The following CDC42BPA variants were observed in gnomAD, a reference collection of about 807,000 sequenced individuals.
CDC42BPA encodes CDC42 binding protein kinase alpha, also known as serine/threonine-protein kinase MRCK alpha.
Under a neutral mutation model 223.5 loss-of-function variants are expected in CDC42BPA, and 80 were observed. The ratio of observed to expected loss-of-function variants is 0.36; its 90% CI spans 0.30 to 0.43. The LOEUF (loss-of-function observed/expected upper bound fraction) is 0.43. Among genes scored for constraint, CDC42BPA ranks in the 20% least tolerant of loss-of-function variants. The pLI, the probability that CDC42BPA is intolerant of heterozygous loss-of-function variation, is 1.00. For synonymous variants in CDC42BPA, 694 were observed against 718.6 expected, an observed-to-expected ratio of 0.97 and a Z score of 0.55; for missense variants, 1,743 against 2,099.9, an observed-to-expected ratio of 0.83 and a Z score of 3.32.
At chr1:227,210,227 G>C (rs1673629803) in intron 3 of CDC42BPA, among the ~76,000 whole-genome samples, 1 of 152,148 alleles carries the variant, frequency 6.6e-6, no homozygotes, top group African/African-American at 2.4e-5. Flanking sequence ...AATCCTTTGG[G>C]TATATACCCA....
Position 227,175,842 on chromosome 1 carries a change from T to C in CDC42BPA, c.600-15206A>G, listed in dbSNP as rs1666860170. Among the ~76,000 whole-genome samples, 6 of 152,312 alleles carry C rather than the reference T, an allele frequency of 3.9e-5. No individual in the cohort carries two copies. The South Asian group carries it at 1.2e-3, about 32-fold the overall frequency. ...AGCAATTTCTCCAAGTAGCCTGTTT[T>C]CCCTGCAGTAGGAAATCGTATGTGA... is the stretch of plus-strand genomic sequence containing the variant. On this transcript the variant is annotated intron_variant, in intron 5 of 36. Coordinates refer to ENST00000366766, the MANE Select transcript of CDC42BPA (RefSeq NM_001394014.1).
intron 5 of CDC42BPA, among the ~76,000 whole-genome samples, chr1:227,174,076 A>G (rs1221682917): frequency 6.6e-6 from 1 of 152,176 alleles, no homozygotes; most frequent in Non-Finnish European, 1.5e-5. Context: ...CTAGTGTAAC[A>G]GTTTTTAACT....
At chr1:227,190,709 A>C (rs1212007880) in intron 5 of CDC42BPA, among the ~76,000 whole-genome samples, 1 of 152,258 alleles carries the variant, frequency 6.6e-6, no homozygotes, top group East Asian at 1.9e-4. Context: ...GTTACTTATA[A>C]AAGAGGACTC....
intron 1 of CDC42BPA, among the ~76,000 whole-genome samples, chr1:227,301,992 C>G (rs1002977550): frequency 1.3e-5 from 2 of 152,150 alleles, no homozygotes; most frequent in Non-Finnish European, 2.9e-5. Flanking sequence ...ATTTTCTAAT[C>G]TCCTCTCAAG....
At chr1:227,292,554 T>C (rs1289681609) in intron 1 of CDC42BPA, among the ~76,000 whole-genome samples, 3 of 152,228 alleles carry the variant, frequency 2.0e-5, no homozygotes, top group Admixed American at 6.5e-5. Flanking sequence ...ATTAAAATCA[T>C]CTTTATCACT....
chr1:227,053,947 A>T (rs1674045157), intron 21 of CDC42BPA, among the ~76,000 whole-genome samples: 1 of 152,180 alleles, frequency 6.6e-6, no homozygotes, highest in East Asian at 1.9e-4. Flanking sequence ...TTAGGTGTCC[A>T]TGGAGAGGGG....
At chr1:227,215,910 A>C (rs975054174) in intron 2 of CDC42BPA, among the ~76,000 whole-genome samples, 1 of 152,218 alleles carries the variant, frequency 6.6e-6, no homozygotes, top group Non-Finnish European at 1.5e-5. Flanking sequence ...CACAATATTC[A>C]CCACAGTGTG....
chr1:227,255,472 T>C (rs1308413838), intron 1 of CDC42BPA, among the ~76,000 whole-genome samples: 3 of 152,066 alleles, frequency 2.0e-5, no homozygotes, highest in Non-Finnish European at 2.9e-5. Context: ...CTATCTGGAA[T>C]TGACACAACA....
At chr1:227,276,639 G>A (rs139700748) in intron 1 of CDC42BPA, among the ~76,000 whole-genome samples, 24,019 of 152,228 alleles carry the variant, frequency 0.16, 2,186 homozygotes, top group East Asian at 0.37. Flanking sequence ...TAGAAAGGGG[G>A]GAAATGTGGG....
chr1:227,220,212 T>C (rs1363693115), intron 2 of CDC42BPA, among the ~76,000 whole-genome samples: 1 of 150,496 alleles, frequency 6.6e-6, no homozygotes, highest in Non-Finnish European at 1.5e-5. Context: ...TTACATATCC[T>C]AATGAGCAAC....
chr1:227,126,208 G>T (rs1170786347), intron 11 of CDC42BPA, among the ~76,000 whole-genome samples: 1 of 152,114 alleles, frequency 6.6e-6, no homozygotes, highest in Admixed American at 6.5e-5. Flanking sequence ...TTCTCTGTCT[G>T]CCTGCACTCC....
rs375318395 is a variant in CDC42BPA, at chr1:227,095,102, GC to G, written c.2250-3112del. Among the ~76,000 whole-genome samples, 426 of 152,304 alleles carry G rather than the reference GC, an allele frequency of 2.8e-3. 3 individuals are homozygous for G. The highest frequency in any genetic ancestry group is 9.9e-3 in the African/African-American group (413 of 41,566). ...TTCCAGATTGGCTATTGCACCATCTGCTTTACTTATAGCCTGATGCTTCCAA... is the reference window on the plus strand; with the variant it reads ...TTCCAGATTGGCTATTGCACCATCTGTTTACTTATAGCCTGATGCTTCCAA... On this transcript the variant is annotated intron_variant, in intron 15 of 36. Transcript: ENST00000366766.
At chr1:227,107,377 T>C (rs1240551283) in intron 14 of CDC42BPA, among the ~76,000 whole-genome samples, 1 of 152,180 alleles carries the variant, frequency 6.6e-6, no homozygotes, top group African/African-American at 2.4e-5. Flanking sequence ...TATGTGTTGA[T>C]CTTGCAGCCT....
chr1:227,188,777 C>A (rs930283294), intron 5 of CDC42BPA, among the ~76,000 whole-genome samples: 1 of 152,084 alleles, frequency 6.6e-6, no homozygotes, highest in Non-Finnish European at 1.5e-5. Flanking sequence ...GGCGGATACA[C>A]GTTGTTCTGC....
At position 227,028,978 on chromosome 1, in the gene CDC42BPA, G is replaced by A. The variant is rs372645836; in HGVS notation, c.4111C>T (p.Arg1371Cys). The A allele has an allele frequency of 1.4e-5, 22 of 1,613,884 alleles. No homozygotes were observed. The highest frequency in any genetic ancestry group is 1.1e-4 in the East Asian group (5 of 44,890). The change falls in exon 30 of 37, where the codon CGT becomes TGT. Residue 1371 changes from arginine (R) to cysteine (C), a missense_variant. Transcript: ENST00000366766. ...LCYELFQSKT[R>C]HRKFKEIQVP... ...TGAATTTCTTTAAATTTTCTGTGAC[G>A]GGTCTTGCTCTGAAATAGTTCATAA... is the stretch of plus-strand genomic sequence containing the variant.
At chr1:227,136,370 G>C (rs958175427) in intron 10 of CDC42BPA, among the ~76,000 whole-genome samples, 1 of 151,984 alleles carries the variant, frequency 6.6e-6, no homozygotes, top group African/African-American at 2.4e-5. Context: ...AAGAACGGAA[G>C]GAACAGAACA....
At chr1:227,046,241 G>C (rs1672423384) in intron 23 of CDC42BPA, among the ~76,000 whole-genome samples, 1 of 152,098 alleles carries the variant, frequency 6.6e-6, no homozygotes, top group Non-Finnish European at 1.5e-5. Context: ...CATATGATGT[G>C]CTTGTTAAGA....
intron 1 of CDC42BPA, among the ~76,000 whole-genome samples, chr1:227,280,139 AT>A (rs879524433): frequency 6.6e-6 from 1 of 152,252 alleles, no homozygotes; most frequent in Non-Finnish European, 1.5e-5. Flanking sequence ...TTCTATTAGA[AT>A]AAGTCTGACT....
intron 1 of CDC42BPA, among the ~76,000 whole-genome samples, chr1:227,278,620 C>T (rs1362084420): frequency 6.6e-6 from 1 of 152,150 alleles, no homozygotes; most frequent in Non-Finnish European, 1.5e-5. Context: ...TAGTATTAAA[C>T]TTTACTGAGA....
Sources: gnomAD v4.1 joint callset for allele counts (sites outside exome capture counted in the v4.1 genomes callset) on GRCh38, gnomAD v4.1.1 for gene constraint, MANE v1.5 for transcripts, NCBI Gene and HGNC (gene_info 2026-07-23, HGNC 2026-07-21) for gene names.